SH3RF1: variants seen among roughly 807,000 people sequenced by gnomAD.
The protein encoded by SH3RF1 is E3 ubiquitin-protein ligase SH3RF1.
A neutral mutation model predicts 74.0 loss-of-function variants in SH3RF1; 32 were observed. The observed-to-expected ratio is 0.43, with a 90% CI of 0.33 to 0.58. SH3RF1 has a LOEUF of 0.58. Among genes scored for constraint, SH3RF1 ranks in the 20% least tolerant of loss-of-function variants. The probability of loss-of-function intolerance (pLI) is 0.05; values close to 1 mark genes in which losing one functional copy is unlikely to be tolerated. For missense variants in SH3RF1, 954 were observed against 1,130.9 expected, an observed-to-expected ratio of 0.84 and a Z score of 2.24; for synonymous variants, 396 against 439.6, an observed-to-expected ratio of 0.90 and a Z score of 1.24.
chr4:169,102,245 C>T (rs1733050622), intron 11 of SH3RF1, among the ~76,000 whole-genome samples: 1 of 152,192 alleles, frequency 6.6e-6, no homozygotes, highest in Non-Finnish European at 1.5e-5. Flanking sequence ...TAAATTACGT[C>T]CATTGCTTCA....
At chr4:169,203,067 T>G (rs1440457255) in intron 2 of SH3RF1, among the ~76,000 whole-genome samples, 2 of 152,182 alleles carry the variant, frequency 1.3e-5, no homozygotes, top group Non-Finnish European at 2.9e-5. Context: ...CAAAGAAACC[T>G]GTTTATTGTT....
chr4:169,162,151 C>T (rs959898612), intron 2 of SH3RF1, among the ~76,000 whole-genome samples: 3 of 151,620 alleles, frequency 2.0e-5, no homozygotes, highest in Non-Finnish European at 4.4e-5. Context: ...AGTGAGACTC[C>T]GTCTCAGAAA....
chr4:169,212,518 C>T (rs1730395507), intron 2 of SH3RF1, among the ~76,000 whole-genome samples: 1 of 151,962 alleles, frequency 6.6e-6, no homozygotes, highest in Non-Finnish European at 1.5e-5. Context: ...TTCATAATTT[C>T]CTTCCATTTT....
At chr4:169,174,001 A>T (rs1389968652) in intron 2 of SH3RF1, among the ~76,000 whole-genome samples, 1 of 150,026 alleles carries the variant, frequency 6.7e-6, no homozygotes, top group African/African-American at 2.4e-5. Context: ...TTCCTGAGTT[A>T]TATATATATA....
intron 2 of SH3RF1, among the ~76,000 whole-genome samples, chr4:169,194,352 G>C (rs1734776271): frequency 6.6e-6 from 1 of 152,104 alleles, no homozygotes; most frequent in Admixed American, 6.6e-5. Flanking sequence ...GACCTTACTA[G>C]TAACTACCCT....
intron 2 of SH3RF1, among the ~76,000 whole-genome samples, chr4:169,227,270 A>T (rs2127005259): frequency 6.6e-6 from 1 of 152,356 alleles, no homozygotes; most frequent in Middle Eastern, 3.4e-3. Flanking sequence ...ATCAATCAAT[A>T]ACCTATTTCC....
chr4:169,231,654 T>C (rs1730740826), intron 2 of SH3RF1, among the ~76,000 whole-genome samples: 2 of 152,216 alleles, frequency 1.3e-5, no homozygotes, highest in Admixed American at 1.3e-4. Context: ...AGATTAGTTT[T>C]TGCTCAAAGC....
At chr4:169,191,298 CAA>C (rs35344441) in intron 2 of SH3RF1, among the ~76,000 whole-genome samples, 3 of 113,248 alleles carry the variant, frequency 2.6e-5, no homozygotes, top group African/African-American at 3.9e-5. Context: ...ACAATAGCTG[CAA>C]AAAAAAAAAA....
At chr4:169,240,045 T>A (rs1437068390) in intron 2 of SH3RF1, among the ~76,000 whole-genome samples, 1 of 151,934 alleles carries the variant, frequency 6.6e-6, no homozygotes, top group African/African-American at 2.4e-5. Context: ...GTAATTCACA[T>A]CTACAGTGAG....
chr4:169,153,757 A>G (rs1041642857), intron 4 of SH3RF1, among the ~76,000 whole-genome samples: 2 of 152,164 alleles, frequency 1.3e-5, no homozygotes, highest in South Asian at 4.1e-4. Context: ...CCACATCTCA[A>G]ATGGCAAGAT....
chr4:169,207,133 T>C (rs563046166), intron 2 of SH3RF1, among the ~76,000 whole-genome samples: 1 of 152,150 alleles, frequency 6.6e-6, no homozygotes, highest in East Asian at 1.9e-4. Flanking sequence ...AACTTTTTTC[T>C]CTAAAGCAGA....
chr4:169,226,955 C>A (rs1439667493), intron 2 of SH3RF1, among the ~76,000 whole-genome samples: 1 of 151,982 alleles, frequency 6.6e-6, no homozygotes, highest in African/African-American at 2.4e-5. Context: ...TCACTTGGGG[C>A]CAAGAGTTTG....
intron 2 of SH3RF1, among the ~76,000 whole-genome samples, chr4:169,195,576 G>A (rs932249025): frequency 3.3e-5 from 5 of 151,990 alleles, no homozygotes; most frequent in South Asian, 2.1e-4. Context: ...TAGAAATCTC[G>A]TACCATATCC....
Position 169,120,871 on chromosome 4 carries a change from G to T in SH3RF1, c.1465C>A (p.His489Asn), listed in dbSNP as rs773146681. The change falls in exon 8 of 12, where the codon CAT (histidine) becomes AAT (asparagine). Residue 489 changes from histidine to asparagine, a missense_variant. Physicochemically the swap from His to Asn is moderately conservative, Grantham distance 68. Transcript: ENST00000284637. ...QDGWFKGTSM[H>N]TSKIGVFPGN... is the part of the protein sequence containing the mutation. The stretch of plus-strand genomic sequence containing the variant: ...GGGAAAACCCCTATCTTGCTGGTAT[G>T]CATGGATGTCCCTTTGAACCAGCCA... 25 of 1,614,072 alleles carry T rather than the reference G, an allele frequency of 1.5e-5. No homozygotes were observed. The highest frequency in any genetic ancestry group is 2.0e-5 in the Non-Finnish European group (24 of 1,180,036).
At chr4:169,115,462 C>T (rs766842163) in intron 10 of SH3RF1, among the ~76,000 whole-genome samples, 3 of 151,984 alleles carry the variant, frequency 2.0e-5, no homozygotes, top group African/African-American at 4.8e-5. Context: ...ACTGCACATG[C>T]GAGGGATGTA....
chr4:169,129,901 T>C, intron 6 of SH3RF1, 145 bp downstream of exon 6: 1 of 679,552 alleles, frequency 1.5e-6, no homozygotes, highest in Non-Finnish European at 2.4e-6. Flanking sequence ...TTTGTTAAGA[T>C]TAACAGAGAT....
At chr4:169,113,673 T>C (rs1260325210) in intron 10 of SH3RF1, among the ~76,000 whole-genome samples, 6 of 152,122 alleles carry the variant, frequency 3.9e-5, no homozygotes, top group Non-Finnish European at 8.8e-5. Flanking sequence ...TGGAGAAATG[T>C]ATACTAAAGA....
chr4:169,208,843 A>G (rs576376402), intron 2 of SH3RF1, among the ~76,000 whole-genome samples: 2 of 152,340 alleles, frequency 1.3e-5, no homozygotes, highest in East Asian at 1.9e-4. Context: ...GAGTGGGCCT[A>G]CGCAGAAACC....
intron 6 of SH3RF1, among the ~76,000 whole-genome samples, chr4:169,125,251 C>T (rs957656241): frequency 4.6e-5 from 7 of 152,112 alleles, no homozygotes; most frequent in Admixed American, 2.0e-4. Context: ...GGGCAGTCCT[C>T]GACTTCCTTC....
Sources: allele counts gnomAD v4.1 joint callset (sites outside exome capture counted in the v4.1 genomes callset), GRCh38; gene constraint gnomAD v4.1.1; transcripts MANE v1.5; gene names NCBI Gene and HGNC (gene_info 2026-07-23, HGNC 2026-07-21).